The following IL17A variants were observed in gnomAD, a reference collection of about 807,000 sequenced individuals.
IL17A encodes interleukin 17A, also known as interleukin-17A.
IL17A carries 1 observed loss-of-function variant against 7.2 expected under a neutral mutation model. The ratio of observed to expected loss-of-function variants is 0.14; its 90% confidence interval spans 0.05 to 0.66. The LOEUF is 0.66. Among genes scored for constraint, IL17A ranks in the 30% least tolerant of loss-of-function variants. IL17A has a pLI of 0.84. For missense variants in IL17A, 191 were observed against 197.1 expected, an observed-to-expected ratio of 0.97 and a Z score of 0.18; for synonymous variants, 90 against 77.7, an observed-to-expected ratio of 1.16 and a Z score of -0.83.
chr6:52,189,035 G>A lies in IL17A; in HGVS notation c.231-20G>A. 2.5e-6 allele frequency: 4 copies of A among 1,577,610 alleles called. No individual in the cohort carries two copies. Among genetic ancestry groups the A allele is most frequent in the Non-Finnish European group, 3.5e-6 (4 of 1,148,436 alleles). ...TTTACCAGGAATTCACTTTCCTCCTGATTTTTCTCCCCTCTGCAGCCGCAA... is the reference window on the plus strand; with the variant it reads ...TTTACCAGGAATTCACTTTCCTCCTAATTTTTCTCCCCTCTGCAGCCGCAA... On this transcript the variant is annotated intron_variant, in intron 2 of 2. Transcript: ENST00000648244.
At chr6:52,188,814 C>A (rs191404631) in intron 2 of IL17A, among the ~76,000 whole-genome samples, 57 of 151,928 alleles carry the variant, frequency 3.8e-4, no homozygotes, top group Non-Finnish European at 7.2e-4. Context: ...TTATTTTATT[C>A]ATTCTTCAAA....
Position 52,187,684 on chromosome 6 carries a change from G to A in IL17A, c.109G>A (p.Glu37Lys). Residue 37 changes from glutamate (E) to lysine (K), a missense_variant, in exon 2 of 3, where the codon GAG becomes AAG. Coordinates refer to ENST00000648244, the MANE Select transcript of IL17A (RefSeq NM_002190.3). The stretch of plus-strand genomic sequence containing the variant: ...ACGAAATCCAGGATGCCCAAATTCT[G>A]AGGACAAGAACTTCCCCCGGACTGT... ...IPRNPGCPNS[E>K]DKNFPRTVMV... is the part of the protein sequence containing the mutation. 1 of 1,614,064 alleles carries A rather than the reference G, an allele frequency of 6.2e-7. No individual in the cohort carries two copies. The highest frequency in any genetic ancestry group is 1.1e-5 in the South Asian group (1 of 91,070).
rs1156676127 is a variant in IL17A, at chr6:52,190,575, TA to T, written c.*1288del. On this transcript the variant is annotated 3_prime_UTR_variant, in exon 3 of 3. Coordinates refer to ENST00000648244, the MANE Select transcript of IL17A (RefSeq NM_002190.3). ...TGAGAAAAGTTCAGCCCAAGTAAAA[TA>T]AAAACTCAATCACATTCAATTCCAG... 6.6e-6 allele frequency: 1 copy of T among 152,138 alleles called. No homozygotes were observed. Among genetic ancestry groups the T allele is most frequent in the Non-Finnish European group, 1.5e-5 (1 of 68,024 alleles). 9.4% of individuals were successfully genotyped at this position (152,138 alleles called of 1,614,324 possible).
chr6:52,187,855 C>A, intron 2 of IL17A, 50 bp downstream of exon 2: 2 of 1,398,266 alleles, frequency 1.4e-6, no homozygotes, highest in Non-Finnish European at 1.0e-6. Context: ...CCCTCTTATG[C>A]ATCAGACTGC....
Position 52,189,278 on chromosome 6 carries a change from C to T in IL17A, c.454C>T (p.His152Tyr). The change falls in exon 3 of 3, where the codon CAC (histidine) becomes TAC (tyrosine). Residue 152 changes from histidine (H) to tyrosine (Y), a missense_variant. Coordinates refer to ENST00000648244, the MANE Select transcript of IL17A (RefSeq NM_002190.3). ...VGCTCVTPIV[H>Y]HVA The stretch of plus-strand genomic sequence containing the variant: ...CTGCACCTGTGTCACCCCGATTGTC[C>T]ACCATGTGGCCTAAGAGCTCTGGGG... 6.2e-7 allele frequency: 1 copy of T among 1,613,896 alleles called. No homozygotes were observed. Among genetic ancestry groups the T allele is most frequent in the East Asian group, 2.2e-5 (1 of 44,840 alleles).
rs747614510 is a variant in IL17A at position 52,187,773 on chromosome 6, C to T, written c.198C>T (p.Tyr66=). Residue 66 remains tyrosine, a synonymous_variant, in exon 2 of 3, where the codon TAC becomes TAT. Coordinates refer to ENST00000648244, the MANE Select transcript of IL17A (RefSeq NM_002190.3). ...CCAATCCCAAAAGGTCCTCAGATTACTACAACCGATCCACCTCACCTTGGA... is the reference window on the plus strand; with the variant it reads ...CCAATCCCAAAAGGTCCTCAGATTATTACAACCGATCCACCTCACCTTGGA... ...TNTNPKRSSD[Y]YNRSTSPWNL... is the part of the protein sequence containing the mutation. The T allele has an allele frequency of 6.2e-7, 1 of 1,613,998 alleles. No individual in the cohort carries two copies. The highest frequency in any genetic ancestry group is 2.2e-5 in the East Asian group (1 of 44,888).
rs746503257 is a variant in IL17A, at chr6:52,187,681, T to C, written c.106T>C (p.Ser36Pro). The change falls in exon 2 of 3, where the codon TCT becomes CCT. Residue 36 changes from serine to proline, a missense_variant. By Grantham distance (74) the Ser-to-Pro change is moderately conservative. Transcript: ENST00000648244. Reference sequence around the variant, plus strand: ...CCCACGAAATCCAGGATGCCCAAATTCTGAGGACAAGAACTTCCCCCGGAC... The same window carrying C: ...CCCACGAAATCCAGGATGCCCAAATCCTGAGGACAAGAACTTCCCCCGGAC... The part of the protein sequence containing the change: ...TIPRNPGCPN[S>P]EDKNFPRTVM... 6.2e-7 allele frequency: 1 copy of C among 1,614,094 alleles called. No homozygotes were observed. Among genetic ancestry groups the C allele is most frequent in the South Asian group, 1.1e-5 (1 of 91,078 alleles).
rs759688755 is a variant in IL17A, at chr6:52,190,311, TG to T, written c.*1023del. ...TGGCATGTCATTATTAAAGATCATA[TG>T]GGGAAAATGAAACCCTCCCCAAAAT... On this transcript the variant is annotated 3_prime_UTR_variant, in exon 3 of 3. Coordinates refer to ENST00000648244, the MANE Select transcript of IL17A (RefSeq NM_002190.3). 2.0e-5 allele frequency: 3 copies of T among 152,160 alleles called. No individual in the cohort carries two copies. Among genetic ancestry groups the T allele is most frequent in the Admixed American group, 6.5e-5 (1 of 15,270 alleles). 9.4% of individuals were successfully genotyped at this position (152,160 alleles called of 1,614,324 possible).
At chr6:52,186,490 C>T (rs748539355) in intron 1 of IL17A, 32 bp downstream of exon 1, 27 of 1,610,430 alleles carry the variant, frequency 1.7e-5, no homozygotes, top group Non-Finnish European at 7.6e-6. Context: ...GATGCTCTTG[C>T]TGATTTGGAC....
At position 52,189,179 on chromosome 6, in the gene IL17A, A is replaced by G. The variant is rs1452861628; in HGVS notation, c.355A>G (p.Ile119Val). 2 of 1,614,082 alleles carry G rather than the reference A, an allele frequency of 1.2e-6. No homozygotes were observed. The highest frequency in any genetic ancestry group is 3.3e-5 in the Admixed American group (2 of 60,024). Residue 119 changes from isoleucine to valine, a missense_variant, in exon 3 of 3, where the codon ATC (isoleucine) becomes GTC (valine). Ile to Val is a conservative substitution (Grantham distance 29). Coordinates refer to ENST00000648244, the MANE Select transcript of IL17A (RefSeq NM_002190.3). ...HMNSVPIQQE[I>V]LVLRREPPHC... ...GAACTCTGTCCCCATCCAGCAAGAG[A>G]TCCTGGTCCTGCGCAGGGAGCCTCC...
At chr6:52,187,012 C>T (rs1395325677) in intron 1 of IL17A, among the ~76,000 whole-genome samples, 1 of 152,108 alleles carries the variant, frequency 6.6e-6, no homozygotes, top group Non-Finnish European at 1.5e-5. Flanking sequence ...AGAATCAATA[C>T]ATGTTAAATT....
Position 52,186,387 on chromosome 6 carries a change from G to A in IL17A, c.-45G>A, listed in dbSNP as rs891552708. ...AGCGCTACATTTTGTCCATCTCATAGCAGGCACAAACTCATCCATCCCCAG... is the reference window on the plus strand; with the variant it reads ...AGCGCTACATTTTGTCCATCTCATAACAGGCACAAACTCATCCATCCCCAG... On this transcript the variant is annotated 5_prime_UTR_variant, in exon 1 of 3. Transcript: ENST00000648244. The A allele has an allele frequency of 2.5e-6, 4 of 1,605,226 alleles. No homozygotes were observed. The African/African-American group carries it at 5.4e-5, about 21-fold the overall frequency.
rs1358674929 is a variant in IL17A, at chr6:52,190,086, A to G, written c.*794A>G. 6.6e-6 allele frequency: 1 copy of G among 152,202 alleles called. No individual in the cohort carries two copies. 9.4% of individuals were successfully genotyped at this position (152,202 alleles called of 1,614,324 possible). ...CAAACTCAGCTCTTCCCTATTGGGA[A>G]GAGTTATGCAAATTCTCCTATAAGC... On this transcript the variant is annotated 3_prime_UTR_variant, in exon 3 of 3. Transcript: ENST00000648244.
At position 52,187,809 on chromosome 6, in the gene IL17A, C is replaced by T. The variant is rs772319087; in HGVS notation, c.230+4C>T. 2.4e-5 allele frequency: 38 copies of T among 1,609,474 alleles called. No homozygotes were observed. Among genetic ancestry groups the T allele is most frequent in the Non-Finnish European group, 3.1e-5 (37 of 1,175,948 alleles). On this transcript the variant is annotated splice_donor_region_variant and intron_variant, in intron 2 of 2. Transcript: ENST00000648244. The stretch of plus-strand genomic sequence containing the variant: ...CCACCTCACCTTGGAATCTCCAGTA[C>T]GTAAAGCTTCCAGATAAAAATGCTA...
rs1255951047 is a variant in IL17A, at chr6:52,187,618, C to G, written c.43C>G (p.Leu15Val). The change falls in exon 2 of 3, where the codon CTG (leucine) becomes GTG (valine). Residue 15 changes from leucine to valine, a missense_variant. Transcript: ENST00000648244. Reference sequence around the variant, plus strand: ...TCAATTCTAGTCACTGCTACTGCTGCTGAGCCTGGAGGCCATAGTGAAGGC... The same window carrying G: ...TCAATTCTAGTCACTGCTACTGCTGGTGAGCCTGGAGGCCATAGTGAAGGC... The part of the protein sequence containing the change: ...KTSLVSLLLL[L>V]SLEAIVKAGI... 2 of 1,613,710 alleles carry G rather than the reference C, an allele frequency of 1.2e-6. No homozygotes were observed. Among genetic ancestry groups the G allele is most frequent in the African/African-American group, 2.7e-5 (2 of 74,910 alleles).
Position 52,189,129 on chromosome 6 carries a change from C to T in IL17A, c.305C>T (p.Ala102Val). The T allele has an allele frequency of 1.2e-6, 2 of 1,614,164 alleles. No individual in the cohort carries two copies. Among genetic ancestry groups the T allele is most frequent in the Non-Finnish European group, 1.7e-6 (2 of 1,180,008 alleles). The part of the protein sequence containing the change: ...AKCRHLGCIN[A>V]DGNVDYHMNS... ...TGCCGCCACTTGGGCTGCATCAACG[C>T]TGATGGGAACGTGGACTACCACATG... is the stretch of plus-strand genomic sequence containing the variant. The change falls in exon 3 of 3, where the codon GCT becomes GTT. Residue 102 changes from alanine to valine, a missense_variant. Ala to Val is a moderately conservative substitution (Grantham distance 64). Coordinates refer to ENST00000648244, the MANE Select transcript of IL17A (RefSeq NM_002190.3).
chr6:52,189,860 T>C lies in IL17A; in HGVS notation c.*568T>C, dbSNP rs979644201. 16 of 152,232 alleles carry C rather than the reference T, an allele frequency of 1.1e-4. No individual in the cohort carries two copies. The highest frequency in any genetic ancestry group is 2.7e-4 in the African/African-American group (11 of 41,466). 9.4% of individuals were successfully genotyped at this position (152,232 alleles called of 1,614,324 possible). On this transcript the variant is annotated 3_prime_UTR_variant, in exon 3 of 3. Transcript: ENST00000648244. ...GATATAGTATTTCCTCCTCTTTGTT[T>C]TTAAAAGTTATAACATGGCTGAAAA...
rs1763359269 is a variant in IL17A at position 52,190,456 on chromosome 6, T to A, written c.*1164T>A. ...AGATCAACAGACCAACATTTTTCTC[T>A]TCCTCAAGCAACACTCCTAGGGCCT... On this transcript the variant is annotated 3_prime_UTR_variant, in exon 3 of 3. Coordinates refer to ENST00000648244, the MANE Select transcript of IL17A (RefSeq NM_002190.3). The A allele has an allele frequency of 6.6e-6, 1 of 152,112 alleles. No homozygotes were observed. Among genetic ancestry groups the A allele is most frequent in the Admixed American group, 6.6e-5 (1 of 15,266 alleles). 9.4% of individuals were successfully genotyped at this position (152,112 alleles called of 1,614,324 possible).
rs1347847159 is a variant in IL17A at position 52,189,144 on chromosome 6, A to G, written c.320A>G (p.Asp107Gly). The G allele has an allele frequency of 6.2e-7, 1 of 1,614,136 alleles. No homozygotes were observed. The highest frequency in any genetic ancestry group is 8.5e-7 in the Non-Finnish European group (1 of 1,179,996). ...LGCINADGNV[D>G]YHMNSVPIQQ... is the part of the protein sequence containing the mutation. The stretch of plus-strand genomic sequence containing the variant: ...TGCATCAACGCTGATGGGAACGTGG[A>G]CTACCACATGAACTCTGTCCCCATC... The change falls in exon 3 of 3, where the codon GAC (aspartate) becomes GGC (glycine). Residue 107 changes from aspartate to glycine, a missense_variant. Coordinates refer to ENST00000648244, the MANE Select transcript of IL17A (RefSeq NM_002190.3).
Sources: allele counts gnomAD v4.1 joint callset (sites outside exome capture counted in the v4.1 genomes callset), GRCh38; gene constraint gnomAD v4.1.1; transcripts MANE v1.5; gene names NCBI Gene and HGNC (gene_info 2026-07-23, HGNC 2026-07-21).